The following CIMIP6 variants were observed in gnomAD, a reference collection of about 807,000 sequenced individuals.
CIMIP6 encodes uncharacterized protein C2orf73.
At chr2:54,354,109 C>T in the CIMIP6 span, among the ~76,000 whole-genome samples, 5 of 152,088 alleles carry the variant, frequency 3.3e-5, no homozygotes, top group African/African-American at 1.2e-4. Context: ...AAATAATCTG[C>T]ACTTTTCCCA....
chr2:54,367,239 C>T, the CIMIP6 span, among the ~76,000 whole-genome samples: 1 of 152,102 alleles, frequency 6.6e-6, no homozygotes, highest in South Asian at 2.1e-4. Flanking sequence ...CAGTAAATCA[C>T]ACTGATTAAC....
chr2:54,347,885 T>C, the CIMIP6 span, among the ~76,000 whole-genome samples: 2 of 152,208 alleles, frequency 1.3e-5, no homozygotes, highest in Admixed American at 6.5e-5. Flanking sequence ...CCTTCCCCCA[T>C]AGCACTTAAC....
the CIMIP6 span, among the ~76,000 whole-genome samples, chr2:54,357,637 C>A: frequency 6.7e-6 from 1 of 149,344 alleles, no homozygotes; most frequent in Non-Finnish European, 1.5e-5. Context: ...AGTGCAGTGG[C>A]GCGATTTTGG....
At chr2:54,354,723 A>G in the CIMIP6 span, among the ~76,000 whole-genome samples, 165 of 152,086 alleles carry the variant, frequency 1.1e-3, no homozygotes, top group African/African-American at 3.7e-3. Flanking sequence ...CTCATAATTG[A>G]TGGACTCTTG....
At chr2:54,340,263 G>A in the CIMIP6 span, among the ~76,000 whole-genome samples, 38 of 18,188 alleles carry the variant, frequency 2.1e-3, 18 homozygotes, top group Non-Finnish European at 6.2e-3. Context: ...ATCACGCTAG[G>A]TAACTTCCCA....
chr2:54,352,528 A>C, the CIMIP6 span, among the ~76,000 whole-genome samples: 167 of 152,302 alleles, frequency 1.1e-3, 1 homozygote, highest in South Asian at 0.014. Flanking sequence ...TAAGATGTTT[A>C]TTACCTCACA....
chr2:54,371,975 G>A, the CIMIP6 span, among the ~76,000 whole-genome samples: 1 of 152,218 alleles, frequency 6.6e-6, no homozygotes, highest in Admixed American at 6.5e-5. Context: ...GATGTCCTAG[G>A]AAGGAATAAA....
the CIMIP6 span, among the ~76,000 whole-genome samples, chr2:54,350,419 C>T: frequency 6.6e-6 from 1 of 152,324 alleles, no homozygotes; most frequent in African/African-American, 2.4e-5. Flanking sequence ...GGCAGATGGA[C>T]TGAGGACGGG....
the CIMIP6 span, among the ~76,000 whole-genome samples, chr2:54,342,609 T>A: frequency 6.0e-5 from 9 of 150,514 alleles, no homozygotes; most frequent in African/African-American, 9.9e-5. Flanking sequence ...TGCAGCCACA[T>A]AGGTTTTTTT....
the CIMIP6 span, among the ~76,000 whole-genome samples, chr2:54,372,084 C>G: frequency 3.9e-5 from 6 of 152,250 alleles, no homozygotes; most frequent in Non-Finnish European, 7.4e-5. Context: ...TTCTCAGCAA[C>G]CTTTTAAAGT....
chr2:54,377,746 G>A, the CIMIP6 span, among the ~76,000 whole-genome samples: 5 of 138,980 alleles, frequency 3.6e-5, no homozygotes, highest in African/African-American at 8.5e-5. Context: ...GCTTGGCGTC[G>A]GGGCTGGAGA....
chr2:54,349,231 CTGTATTT>C, the CIMIP6 span, among the ~76,000 whole-genome samples: 1 of 151,964 alleles, frequency 6.6e-6, no homozygotes, highest in Non-Finnish European at 1.5e-5. Flanking sequence ...TTTCTTTTTA[CTGTATTT>C]TGAAAATCTA....
At chr2:54,379,528 G>A in the CIMIP6 span, among the ~76,000 whole-genome samples, 2 of 152,050 alleles carry the variant, frequency 1.3e-5, no homozygotes, top group Non-Finnish European at 2.9e-5. Flanking sequence ...TCTAAGTTTC[G>A]AGAATCCCTT....
the CIMIP6 span, among the ~76,000 whole-genome samples, chr2:54,348,025 C>G: frequency 6.6e-6 from 1 of 152,132 alleles, no homozygotes; most frequent in Non-Finnish European, 1.5e-5. Context: ...TCTTAAATTT[C>G]TGTAGTGTGA....
At chr2:54,383,414 T>C in the CIMIP6 span, 1 of 152,196 alleles carries the variant, frequency 6.6e-6, no homozygotes, top group Non-Finnish European at 1.5e-5. Context: ...TCATTCCATA[T>C]AATGTTTTAC....
chr2:54,351,904 A>G, the CIMIP6 span, among the ~76,000 whole-genome samples: 1 of 152,190 alleles, frequency 6.6e-6, no homozygotes, highest in African/African-American at 2.4e-5. Flanking sequence ...TCAATAAATT[A>G]AACCTAATAA....
the CIMIP6 span, among the ~76,000 whole-genome samples, chr2:54,338,200 AAGG>A: frequency 6.6e-6 from 1 of 152,104 alleles, no homozygotes; most frequent in Non-Finnish European, 1.5e-5. Context: ...TTGGAAGGCC[AAGG>A]CAGGAGGGTA....
the CIMIP6 span, among the ~76,000 whole-genome samples, chr2:54,350,762 C>T: frequency 6.6e-6 from 1 of 152,204 alleles, no homozygotes; most frequent in Non-Finnish European, 1.5e-5. Flanking sequence ...GAGTAGCCAA[C>T]TCTTCATCTT....
the CIMIP6 span, among the ~76,000 whole-genome samples, chr2:54,351,291 A>G: frequency 6.6e-6 from 1 of 152,220 alleles, no homozygotes; most frequent in Non-Finnish European, 1.5e-5. Context: ...CTGGGTATAT[A>G]CCCAAAGGAA....
Sources: allele counts gnomAD v4.1 joint callset (sites outside exome capture counted in the v4.1 genomes callset), GRCh38; gene constraint gnomAD v4.1.1; transcripts MANE v1.5; gene names NCBI Gene and HGNC (gene_info 2026-07-23, HGNC 2026-07-21).